The following CDH8 variants were observed in gnomAD, a reference collection of about 807,000 sequenced individuals.
CDH8 encodes cadherin-8.
A neutral mutation model predicts 68.1 loss-of-function variants in CDH8; 17 were observed. The observed-to-expected ratio is 0.25, with a 90% CI of 0.17 to 0.37. The LOEUF (loss-of-function observed/expected upper bound fraction) is 0.37, where lower values mean the gene tolerates loss of function less well. CDH8 is among the 10% of genes least tolerant of loss of function. CDH8 has a pLI of 1.00. For synonymous variants in CDH8, 372 were observed against 365.1 expected (o/e 1.02, Z -0.21); for missense variants, 763 against 999.3 (o/e 0.76, Z 3.19).
intron 10 of CDH8, among the ~76,000 whole-genome samples, chr16:61,688,800 A>G (rs1964156352): frequency 6.6e-6 from 1 of 152,036 alleles, no homozygotes; most frequent in African/African-American, 2.4e-5. Flanking sequence ...TAGGTCAACT[A>G]CAACATCAGT....
intron 8 of CDH8, among the ~76,000 whole-genome samples, chr16:61,739,256 A>G (rs1195961502): frequency 1.3e-5 from 2 of 152,146 alleles, no homozygotes; most frequent in Admixed American, 6.5e-5. Context: ...AGGGATACTC[A>G]GTTTCAGAGG....
intron 10 of CDH8, among the ~76,000 whole-genome samples, chr16:61,680,838 T>C (rs1362441160): frequency 1.3e-5 from 2 of 151,896 alleles, no homozygotes; most frequent in East Asian, 3.9e-4. Flanking sequence ...GACAAAGCTG[T>C]ATATTAATAA....
chr16:61,837,532 T>C (rs1446935100), intron 4 of CDH8, among the ~76,000 whole-genome samples: 1 of 152,016 alleles, frequency 6.6e-6, no homozygotes, highest in Non-Finnish European at 1.5e-5. Flanking sequence ...CTGTTTCAGA[T>C]AAAGACAGAG....
At position 61,960,348 on chromosome 16, in the gene CDH8, T is replaced by TACACATACATATAC. The variant is rs1567546610; in HGVS notation, c.253-58876_253-58875insGTATATGTATGTGT. 6.9e-5 allele frequency among the ~76,000 whole-genome samples: 2 copies of TACACATACATATAC among 28,806 alleles called. 1 individual carries two copies. The highest frequency in any genetic ancestry group is 6.4e-4 in the Admixed American group (2 of 3,138). The allele number at this position is 28,806 out of a possible 152,430, so 18.9% of individuals were successfully genotyped here. A position where few individuals can be genotyped will look rare whatever the true frequency, so the allele number is the denominator to read the frequency against. ...GTGTGTGTATACACACATATATACA[T>TACACATACATATAC]GTGTGTGTGTATACACATACATATA... On this transcript the variant is annotated intron_variant, in intron 2 of 11. Coordinates refer to ENST00000577390, the MANE Select transcript of CDH8 (RefSeq NM_001796.5).
At chr16:61,672,608 G>C (rs1963820568) in intron 10 of CDH8, among the ~76,000 whole-genome samples, 1 of 151,898 alleles carries the variant, frequency 6.6e-6, no homozygotes, top group South Asian at 2.1e-4. Context: ...CCATATGCAA[G>C]ATTATCAGTT....
chr16:61,872,014 C>T (rs1385812326), intron 3 of CDH8, among the ~76,000 whole-genome samples: 1 of 152,024 alleles, frequency 6.6e-6, no homozygotes, highest in Non-Finnish European at 1.5e-5. Context: ...GACTAGAATC[C>T]TCCAAGGAGC....
At chr16:61,713,474 C>A (rs1489057457) in intron 10 of CDH8, among the ~76,000 whole-genome samples, 1 of 151,600 alleles carries the variant, frequency 6.6e-6, no homozygotes, top group Non-Finnish European at 1.5e-5. Context: ...ACGTGGTAAA[C>A]ATTCAATTAA....
intron 8 of CDH8, among the ~76,000 whole-genome samples, chr16:61,787,668 A>G (rs1961260122): frequency 6.9e-6 from 1 of 145,880 alleles, no homozygotes; most frequent in East Asian, 2.0e-4. Context: ...ATTATTCACA[A>G]TAGCAAAGAC....
intron 2 of CDH8, among the ~76,000 whole-genome samples, chr16:61,955,427 T>A (rs1333383801): frequency 1.3e-5 from 2 of 152,218 alleles, no homozygotes; most frequent in Non-Finnish European, 2.9e-5. Flanking sequence ...CCACCGTCCT[T>A]TTCTGTTCAT....
intron 4 of CDH8, among the ~76,000 whole-genome samples, chr16:61,844,178 A>G (rs573546537): frequency 0.019 from 2,896 of 151,226 alleles, 47 homozygotes; most frequent in Non-Finnish European, 0.032. Flanking sequence ...TCGCAAGGAC[A>G]AAAAAACAAA....
intron 4 of CDH8, among the ~76,000 whole-genome samples, chr16:61,834,658 A>G (rs1372713947): frequency 6.6e-6 from 1 of 151,944 alleles, no homozygotes; most frequent in Non-Finnish European, 1.5e-5. Context: ...AATTCATGAA[A>G]AAACAATTTC....
chr16:61,995,260 C>T (rs1039444039), intron 2 of CDH8, among the ~76,000 whole-genome samples: 1 of 152,112 alleles, frequency 6.6e-6, no homozygotes, highest in African/African-American at 2.4e-5. Context: ...GAAGGAAACA[C>T]AAAACAAATT....
intron 8 of CDH8, among the ~76,000 whole-genome samples, chr16:61,727,862 G>C (rs768936122): frequency 3.3e-5 from 5 of 150,964 alleles, no homozygotes; most frequent in Non-Finnish European, 5.9e-5. Flanking sequence ...AATCTTTCCA[G>C]GTCAATTCCA....
chr16:61,890,289 G>C (rs1029975138), intron 3 of CDH8, among the ~76,000 whole-genome samples: 1 of 152,108 alleles, frequency 6.6e-6, no homozygotes, highest in Non-Finnish European at 1.5e-5. Flanking sequence ...AATTAAAAGG[G>C]AAATAAAACT....
At chr16:61,838,989 C>A in intron 4 of CDH8, among the ~76,000 whole-genome samples, 1 of 152,038 alleles carries the variant, frequency 6.6e-6, no homozygotes, top group South Asian at 2.1e-4. Flanking sequence ...CTTGAAAGTA[C>A]AGCATAATAA....
At chr16:62,010,924 C>T (rs1244148019) in intron 2 of CDH8, among the ~76,000 whole-genome samples, 1 of 144,730 alleles carries the variant, frequency 6.9e-6, no homozygotes, top group Non-Finnish European at 1.5e-5. Context: ...GTCTGGGCAA[C>T]AAGAGCGAAA....
Position 61,718,508 on chromosome 16 carries a change from T to C in CDH8, c.1537-4550A>G, listed in dbSNP as rs549299075. On this transcript the variant is annotated intron_variant, in intron 9 of 11. Coordinates refer to ENST00000577390, the MANE Select transcript of CDH8 (RefSeq NM_001796.5). Reference sequence around the variant, plus strand: ...TATAATGATATGAATTGTAAGGTGATAGAAAGGGGGTGAAGGAAAGGAAGG... The same window carrying C: ...TATAATGATATGAATTGTAAGGTGACAGAAAGGGGGTGAAGGAAAGGAAGG... Among the ~76,000 whole-genome samples, 49 of 151,372 alleles carry C rather than the reference T, an allele frequency of 3.2e-4. 1 individual carries two copies. In the South Asian group the frequency reaches 8.9e-3, roughly 28 times the overall value.
At position 61,869,963 on chromosome 16, in the gene CDH8, T is replaced by C. The variant is rs1597030748; in HGVS notation, c.548-12725A>G. Among the ~76,000 whole-genome samples, 3 of 152,342 alleles carry C rather than the reference T, an allele frequency of 2.0e-5. No individual in the cohort carries two copies. In the South Asian group the frequency reaches 6.2e-4, roughly 32 times the overall value. On this transcript the variant is annotated intron_variant, in intron 3 of 11. Coordinates refer to ENST00000577390, the MANE Select transcript of CDH8 (RefSeq NM_001796.5). ...TCTAACAGCTGTGCCTTTCCAACTA[T>C]ATTTTACAACAGCTGCGACATTTTT...
rs1259439909 is a variant in CDH8 at position 61,665,789 on chromosome 16, TTCC to T, written c.1655-10071_1655-10069del. On this transcript the variant is annotated intron_variant, in intron 10 of 11. Coordinates refer to ENST00000577390, the MANE Select transcript of CDH8 (RefSeq NM_001796.5). ...CTTCCTTCCTTCCTTCCTTCCTTCC[TTCC>T]TTCCTTCCTTCCTTTCCCTCCTTCC... 5.4e-4 allele frequency among the ~76,000 whole-genome samples: 68 copies of T among 125,760 alleles called. 1 individual carries two copies. Among genetic ancestry groups the T allele is most frequent in the African/African-American group, 1.5e-3 (50 of 34,078 alleles). The allele number at this position is 125,760 out of a possible 152,430, so 82.5% of individuals were successfully genotyped here.
Sources: gnomAD v4.1 joint callset for allele counts (sites outside exome capture counted in the v4.1 genomes callset) on GRCh38, gnomAD v4.1.1 for gene constraint, MANE v1.5 for transcripts, NCBI Gene and HGNC (gene_info 2026-07-23, HGNC 2026-07-21) for gene names.